ZNF514: variants seen among roughly 807,000 people sequenced by gnomAD.
The protein encoded by ZNF514 is zinc finger protein 514.
In ZNF514, 12 loss-of-function variants were observed where a neutral mutation model predicts 9.7. The observed-to-expected ratio is 1.24, with a 90% CI of 0.79 to 2.01. The LOEUF (loss-of-function observed/expected upper bound fraction) is 2.01. Among genes scored for constraint, ZNF514 ranks in the 30% most tolerant of loss-of-function variants. ZNF514 has a pLI of 0.00. For missense variants in ZNF514, 467 were observed against 465.5 expected (o/e 1.00, Z -0.03); for synonymous variants, 158 against 163.7 (o/e 0.97, Z 0.27).
chr2:95,149,234 C>A lies in ZNF514; in HGVS notation c.*48G>T, dbSNP rs770210864. 1.3e-6 allele frequency: 2 copies of A among 1,519,602 alleles called. No homozygotes were observed. The highest frequency in any genetic ancestry group is 1.8e-6 in the Non-Finnish European group (2 of 1,137,442). The allele number at this position is 1,519,602 out of a possible 1,614,324, so 94.1% of individuals were successfully genotyped here. ...CTCTCTGATATGAATTCTTTAAGTT[C>A]CAGTGATGTCTGCACTCCAGCTGAA... On this transcript the variant is annotated 3_prime_UTR_variant, in exon 5 of 5. Transcript: ENST00000295208.
At chr2:95,143,510 T>G (rs976559878), downstream of ZNF514, among the ~76,000 whole-genome samples, 13 of 152,054 alleles carry the variant, frequency 8.5e-5, no homozygotes, top group African/African-American at 2.9e-4. Context: ...TCCCAGCTAC[T>G]CAGGAGGCTG....
At chr2:95,150,413 G>T in intron 4 of ZNF514, 146 bp from the exon 5 acceptor site, 3 of 883,236 alleles carry the variant, frequency 3.4e-6, no homozygotes, top group Non-Finnish European at 4.9e-6. Flanking sequence ...TTCAATAATG[G>T]CTTATGTCTG....
intron 2 of ZNF514, chr2:95,153,711 A>C (rs1352404286): frequency 6.5e-6 from 1 of 153,694 alleles, no homozygotes; most frequent in African/African-American, 2.4e-5. Context: ...CCTACTCATT[A>C]TTCAGTTCCT....
In ZNF514 at chr2:95,149,525, T is replaced by C. The variant is rs751663569; in HGVS notation, c.960A>G (p.Glu320=). ...HTGEKPYECR[E]CGRTFSQSSS... ...AGCTCTGGCTGAAGGTTCTCCCACA[T>C]TCCCGGCATTCATAGGGCTTTTCTC... Residue 320 remains glutamate (E), a synonymous_variant, in exon 5 of 5, where the codon GAA becomes GAG. Coordinates refer to ENST00000295208, the MANE Select transcript of ZNF514 (RefSeq NM_032788.3). 2.2e-5 allele frequency: 35 copies of C among 1,613,914 alleles called. No homozygotes were observed. Among genetic ancestry groups the C allele is most frequent in the Non-Finnish European group, 3.0e-5 (35 of 1,179,968 alleles).
the ZNF514 span, among the ~76,000 whole-genome samples, chr2:95,123,706 G>A: frequency 6.6e-6 from 1 of 152,162 alleles, no homozygotes. Context: ...ACTTCCATTC[G>A]ATGATGGAGT....
chr2:95,129,145 T>C, the ZNF514 span, among the ~76,000 whole-genome samples: 1 of 152,190 alleles, frequency 6.6e-6, no homozygotes, highest in Non-Finnish European at 1.5e-5. Context: ...AGGGAGGAGT[T>C]TCACTTCCAG....
chr2:95,134,635 G>A, the ZNF514 span, among the ~76,000 whole-genome samples: 118 of 152,192 alleles, frequency 7.8e-4, no homozygotes, highest in African/African-American at 2.6e-3. Context: ...CCTAAACTTC[G>A]TCCAGTCTGT....
the ZNF514 span, among the ~76,000 whole-genome samples, chr2:95,127,822 T>C: frequency 1.3e-5 from 2 of 152,064 alleles, no homozygotes; most frequent in Non-Finnish European, 2.9e-5. Flanking sequence ...TTGGCCAGGC[T>C]GGCCTTGAAC....
chr2:95,153,175 T>A lies in ZNF514; in HGVS notation c.79A>T (p.Arg27Trp). The A allele has an allele frequency of 6.2e-7, 1 of 1,614,086 alleles. No individual in the cohort carries two copies. Among genetic ancestry groups the A allele is most frequent in the Non-Finnish European group, 8.5e-7 (1 of 1,179,972 alleles). Residue 27 changes from arginine to tryptophan, a missense_variant, in exon 3 of 5, where the codon AGG (arginine) becomes TGG (tryptophan). Arg to Trp is a moderately radical substitution (Grantham distance 101, BLOSUM62 -3). Coordinates refer to ENST00000295208, the MANE Select transcript of ZNF514 (RefSeq NM_032788.3). ...QLNPAQKDLY[R>W]EVMLENFRNL... ...CTGAAGTTCTCCAGCATCACCTCCC[T>A]GTAGAGGTCCTTCTGAGCAGGGTTC...
At chr2:95,138,588 C>T in the ZNF514 span, among the ~76,000 whole-genome samples, 1 of 152,140 alleles carries the variant, frequency 6.6e-6, no homozygotes, top group East Asian at 1.9e-4. Context: ...CAAGATGTGG[C>T]CTGGTTGCTT....
intron 1 of ZNF514, among the ~76,000 whole-genome samples, chr2:95,157,694 T>C (rs549412286): frequency 6.6e-6 from 1 of 152,358 alleles, no homozygotes; most frequent in Admixed American, 6.5e-5. Context: ...GTGACCAGTC[T>C]GGCCATACCA....
At chr2:95,135,764 C>T in the ZNF514 span, among the ~76,000 whole-genome samples, 3 of 151,580 alleles carry the variant, frequency 2.0e-5, no homozygotes, top group Admixed American at 6.6e-5. Flanking sequence ...GTTCATCACA[C>T]ATGTATAGAA....
At chr2:95,138,275 G>A in the ZNF514 span, among the ~76,000 whole-genome samples, 1 of 152,212 alleles carries the variant, frequency 6.6e-6, no homozygotes, top group South Asian at 2.1e-4. Context: ...ACAGCGAGAG[G>A]GTGGAAGAGT....
chr2:95,152,343 C>G lies in ZNF514; in HGVS notation c.217+331G>C, dbSNP rs1673565607. ...TTTTGTTTGATCCCTCACTAACTCCCTTAACTCTGCTGATCTAGGATTGCC... is the reference window on the plus strand; with the variant it reads ...TTTTGTTTGATCCCTCACTAACTCCGTTAACTCTGCTGATCTAGGATTGCC... On this transcript the variant is annotated intron_variant, in intron 4 of 4. Coordinates refer to ENST00000295208, the MANE Select transcript of ZNF514 (RefSeq NM_032788.3). Among the ~76,000 whole-genome samples, 4 of 151,946 alleles carry G rather than the reference C, an allele frequency of 2.6e-5. No individual in the cohort carries two copies. In the South Asian group the frequency reaches 8.3e-4, roughly 32 times the overall value.
intron 3 of ZNF514, 96 bp downstream of exon 3, chr2:95,153,037 G>A: frequency 6.7e-7 from 1 of 1,499,008 alleles, no homozygotes; most frequent in Non-Finnish European, 9.0e-7. Flanking sequence ...GAAACCCAGG[G>A]CCAAACTTAG....
chr2:95,139,821 G>T, the ZNF514 span, among the ~76,000 whole-genome samples: 5 of 152,162 alleles, frequency 3.3e-5, no homozygotes, highest in African/African-American at 1.2e-4. Flanking sequence ...GAAATCTCAT[G>T]TTGAAATGTA....
chr2:95,133,627 A>G, the ZNF514 span, among the ~76,000 whole-genome samples: 7 of 152,282 alleles, frequency 4.6e-5, no homozygotes, highest in South Asian at 6.2e-4. Flanking sequence ...TCTGTACTAA[A>G]CATGTACAGA....
At chr2:95,135,644 A>ATCCC in the ZNF514 span, among the ~76,000 whole-genome samples, 3 of 151,810 alleles carry the variant, frequency 2.0e-5, no homozygotes, top group Admixed American at 6.6e-5. Context: ...CCGGTCTTGA[A>ATCCC]TCCCTGGGCT....
chr2:95,135,433 C>CT, the ZNF514 span, among the ~76,000 whole-genome samples: 1 of 80,162 alleles, frequency 1.2e-5, no homozygotes, highest in African/African-American at 4.8e-5. Flanking sequence ...TTTTTTTTCT[C>CT]TTTTTTGAGA....
Sources: allele counts gnomAD v4.1 joint callset (sites outside exome capture counted in the v4.1 genomes callset), GRCh38; gene constraint gnomAD v4.1.1; transcripts MANE v1.5; gene names NCBI Gene and HGNC (gene_info 2026-07-23, HGNC 2026-07-21).